Variants in PDE4D observed in about 807,000 individuals in gnomAD.
The protein encoded by PDE4D is phosphodiesterase 4D, also known as 3',5'-cyclic-AMP phosphodiesterase 4D.
In PDE4D, 24 loss-of-function variants were observed where a neutral mutation model predicts 87.4. The observed-to-expected ratio is 0.27, with a 90% confidence interval of 0.20 to 0.39. The LOEUF (loss-of-function observed/expected upper bound fraction) is 0.39. PDE4D is among the 10% of genes least tolerant of loss of function. The pLI is 1.00. For synonymous variants in PDE4D, 384 were observed against 383.2 expected, an observed-to-expected ratio of 1.00 and a Z score of -0.02; for missense variants, 714 against 1,041.0, an observed-to-expected ratio of 0.69 and a Z score of 4.32.
At chr5:59,643,219 G>C (rs1443403155) in intron 1 of PDE4D, among the ~76,000 whole-genome samples, 2 of 152,152 alleles carry the variant, frequency 1.3e-5, no homozygotes, top group Admixed American at 1.3e-4. Context: ...AAGGAGGAGG[G>C]ATCACTGCCT....
At chr5:59,730,054 T>C (rs1483635997) in intron 1 of PDE4D, among the ~76,000 whole-genome samples, 1 of 152,056 alleles carries the variant, frequency 6.6e-6, no homozygotes, top group African/African-American at 2.4e-5. Context: ...CTCAACAGAC[T>C]ATGGAATGAG....
chr5:60,332,921 C>G (rs981390151), intron 1 of PDE4D, among the ~76,000 whole-genome samples: 2 of 152,154 alleles, frequency 1.3e-5, no homozygotes, highest in East Asian at 1.9e-4. Context: ...ATAATTCATG[C>G]TCTGTGCCAG....
intron 2 of PDE4D, among the ~76,000 whole-genome samples, chr5:60,142,338 C>T (rs895471807): frequency 6.6e-6 from 1 of 152,124 alleles, no homozygotes; most frequent in African/African-American, 2.4e-5. Context: ...TCATACTCTT[C>T]ACAAGCAGTC....
At chr5:60,458,554 G>A (rs78132309) in intron 1 of PDE4D, among the ~76,000 whole-genome samples, 4,185 of 152,068 alleles carry the variant, frequency 0.028, 89 homozygotes, top group Middle Eastern at 0.088. Context: ...CAGCATAGTC[G>A]CTAAGAAATT....
chr5:59,468,842 G>A (rs892027338), intron 1 of PDE4D, among the ~76,000 whole-genome samples: 1 of 152,032 alleles, frequency 6.6e-6, no homozygotes, highest in African/African-American at 2.4e-5. Flanking sequence ...GCAACCATAG[G>A]CCTAACTTAG....
chr5:59,415,542 A>G (rs1186182924), intron 1 of PDE4D, among the ~76,000 whole-genome samples: 9 of 152,204 alleles, frequency 5.9e-5, no homozygotes, highest in Admixed American at 3.9e-4. Flanking sequence ...GAATTAAAAG[A>G]CTGATAGTTG....
chr5:59,664,928 C>A (rs1745822591), intron 1 of PDE4D, among the ~76,000 whole-genome samples: 1 of 152,024 alleles, frequency 6.6e-6, no homozygotes, highest in South Asian at 2.1e-4. Context: ...CCATCTATCT[C>A]CAAAAAGAAT....
At chr5:59,795,118 G>C (rs781774885) in intron 1 of PDE4D, among the ~76,000 whole-genome samples, 1 of 152,178 alleles carries the variant, frequency 6.6e-6, no homozygotes, top group African/African-American at 2.4e-5. Context: ...CTCAAGAATC[G>C]TTGCTGTGAA....
At chr5:59,552,541 T>C (rs1041985619) in intron 1 of PDE4D, among the ~76,000 whole-genome samples, 8 of 152,210 alleles carry the variant, frequency 5.3e-5, no homozygotes, top group Non-Finnish European at 1.0e-4. Flanking sequence ...CTGACTTTAA[T>C]AGAAACGACT....
intron 2 of PDE4D, among the ~76,000 whole-genome samples, chr5:59,194,173 G>A (rs907784926): frequency 5.9e-5 from 9 of 152,220 alleles, no homozygotes; most frequent in South Asian, 2.1e-4. Context: ...TCAGCATGAC[G>A]TGTCTTGGAG....
At chr5:60,465,061 A>G (rs909835997) in intron 1 of PDE4D, among the ~76,000 whole-genome samples, 21 of 152,134 alleles carry the variant, frequency 1.4e-4, no homozygotes, top group African/African-American at 4.8e-4. Flanking sequence ...GTGAGTTATA[A>G]TCGCACCACT....
intron 2 of PDE4D, among the ~76,000 whole-genome samples, chr5:60,081,022 G>A (rs924376006): frequency 6.6e-6 from 1 of 152,048 alleles, no homozygotes; most frequent in African/African-American, 2.4e-5. Flanking sequence ...GATTTTTTTG[G>A]TTGGTAGGCC....
intron 3 of PDE4D, among the ~76,000 whole-genome samples, chr5:59,928,445 G>C (rs1474340254): frequency 1.3e-5 from 2 of 152,024 alleles, no homozygotes; most frequent in Non-Finnish European, 2.9e-5. Flanking sequence ...AGGTGTGGTG[G>C]TGCGCGCCTA....
chr5:59,732,837 C>T (rs921316935), intron 1 of PDE4D, among the ~76,000 whole-genome samples: 1 of 151,950 alleles, frequency 6.6e-6, no homozygotes, highest in African/African-American at 2.4e-5. Context: ...AAGGACATAT[C>T]ACAAGTAAGT....
At chr5:60,446,353 AT>A (rs988524673) in intron 1 of PDE4D, among the ~76,000 whole-genome samples, 3 of 152,196 alleles carry the variant, frequency 2.0e-5, no homozygotes, top group Admixed American at 1.3e-4. Flanking sequence ...GTAGCAAAAT[AT>A]TTTAAATTTC....
At chr5:59,842,839 A>G (rs1743224431) in intron 1 of PDE4D, among the ~76,000 whole-genome samples, 1 of 151,978 alleles carries the variant, frequency 6.6e-6, no homozygotes. Context: ...CCTGTGTTTC[A>G]TTGCTAAACT....
chr5:59,853,818 C>T (rs1581430119), intron 1 of PDE4D, among the ~76,000 whole-genome samples: 1 of 152,074 alleles, frequency 6.6e-6, no homozygotes, highest in Admixed American at 6.6e-5. Context: ...GCTATGTATA[C>T]TGAGTTTATC....
intron 1 of PDE4D, among the ~76,000 whole-genome samples, chr5:60,312,473 C>T (rs1226463620): frequency 2.3e-4 from 35 of 152,166 alleles, no homozygotes; most frequent in Non-Finnish European, 2.9e-5. Context: ...CACAGTTCTG[C>T]ACTCCTAGGA....
At chr5:59,884,860 T>TGTTTCA (rs1258239839) in intron 1 of PDE4D, among the ~76,000 whole-genome samples, 3 of 136,470 alleles carry the variant, frequency 2.2e-5, no homozygotes, top group Admixed American at 7.9e-5. Flanking sequence ...GATGAAAAAT[T>TGTTTCA]GTTTCAGTTT....
Sources: allele counts gnomAD v4.1 joint callset (sites outside exome capture counted in the v4.1 genomes callset), GRCh38; gene constraint gnomAD v4.1.1; transcripts MANE v1.5; gene names NCBI Gene and HGNC (gene_info 2026-07-23, HGNC 2026-07-21).